Variants in DNER observed in about 807,000 individuals in gnomAD.
The protein encoded by DNER is delta and Notch-like epidermal growth factor-related receptor.
A neutral mutation model predicts 78.2 loss-of-function variants in DNER; 33 were observed. The ratio of observed to expected loss-of-function variants is 0.42; its 90% CI spans 0.32 to 0.56. The LOEUF is 0.56. Ranked by LOEUF, DNER falls within the 20% of genes least tolerant of loss-of-function variation. DNER has a pLI of 0.11. For synonymous variants in DNER, 417 were observed against 384.8 expected (o/e 1.08, Z -0.98); for missense variants, 918 against 975.3 (o/e 0.94, Z 0.78).
At chr2:229,448,356 T>C (rs951999620) in intron 7 of DNER, among the ~76,000 whole-genome samples, 2 of 152,330 alleles carry the variant, frequency 1.3e-5, no homozygotes, top group South Asian at 4.1e-4. Context: ...TGGTTGCCTA[T>C]GGCTGGGCCG....
At chr2:229,407,368 G>A in intron 9 of DNER, 23 bp from the exon 10 acceptor site, 1 of 1,604,206 alleles carries the variant, frequency 6.2e-7, no homozygotes, top group Non-Finnish European at 8.5e-7. Context: ...AAGCAAAACA[G>A]GATGACTCAT....
At position 229,497,818 on chromosome 2, in the gene DNER, A is replaced by T. The variant is rs1441890363; in HGVS notation, c.1147+14965T>A. 4.6e-5 allele frequency among the ~76,000 whole-genome samples: 7 copies of T among 152,134 alleles called. No homozygotes were observed. In the East Asian group the frequency reaches 9.6e-4, roughly 21 times the overall value. ...ATGAGTAAAAGAGTGAGCCAGTAAT[A>T]AAAAAGTCTCCCATCAAAGAAAAAT... is the stretch of plus-strand genomic sequence containing the variant. On this transcript the variant is annotated intron_variant, in intron 6 of 12. Coordinates refer to ENST00000341772, the MANE Select transcript of DNER (RefSeq NM_139072.4).
chr2:229,714,310 G>C lies in DNER; in HGVS notation c.114C>G (p.Pro38=). Residue 38 remains proline, a synonymous_variant, in exon 1 of 13, where the codon CCC becomes CCG. Coordinates refer to ENST00000341772, the MANE Select transcript of DNER (RefSeq NM_139072.4). ...PRGSSLANPV[P]AAPLSAPGPC... The stretch of plus-strand genomic sequence containing the variant: ...GCCCGGGCGCAGACAGGGGCGCGGC[G>C]GGCACCGGGTTGGCCAGGGAGCTGC... The C allele has an allele frequency of 7.7e-7, 1 of 1,298,488 alleles. No individual in the cohort carries two copies. The highest frequency in any genetic ancestry group is 3.2e-5 in the East Asian group (1 of 31,470). 80.4% of individuals were successfully genotyped at this position (1,298,488 alleles called of 1,614,324 possible).
chr2:229,652,495 C>T (rs999609241), intron 1 of DNER, among the ~76,000 whole-genome samples: 6 of 152,158 alleles, frequency 3.9e-5, no homozygotes, highest in Non-Finnish European at 7.4e-5. Flanking sequence ...CAAATGGTCC[C>T]AATCCCATCA....
intron 4 of DNER, among the ~76,000 whole-genome samples, chr2:229,574,188 T>C (rs1413656448): frequency 1.3e-5 from 2 of 152,172 alleles, no homozygotes; most frequent in Non-Finnish European, 1.5e-5. Flanking sequence ...GTGTATCAAA[T>C]GTGCCATTAA....
At chr2:229,411,140 C>A (rs1000458900) in intron 9 of DNER, among the ~76,000 whole-genome samples, 1 of 152,166 alleles carries the variant, frequency 6.6e-6, no homozygotes, top group Non-Finnish European at 1.5e-5. Flanking sequence ...GGACTAGGTG[C>A]ACAAAATAAC....
chr2:229,380,468 T>C (rs1029121674), intron 11 of DNER, among the ~76,000 whole-genome samples: 4 of 152,204 alleles, frequency 2.6e-5, no homozygotes, highest in Non-Finnish European at 5.9e-5. Context: ...GGAGTTCTTA[T>C]GCAACTTTCC....
chr2:229,516,259 T>C (rs952747022), intron 5 of DNER, among the ~76,000 whole-genome samples: 7 of 152,222 alleles, frequency 4.6e-5, no homozygotes, highest in Non-Finnish European at 8.8e-5. Flanking sequence ...AAAAAGTTTG[T>C]TTTGATAGTT....
At chr2:229,449,508 C>A (rs1239060867) in intron 7 of DNER, among the ~76,000 whole-genome samples, 1 of 152,026 alleles carries the variant, frequency 6.6e-6, no homozygotes, top group African/African-American at 2.4e-5. Context: ...ATTGACCAAG[C>A]CACCCTACAG....
chr2:229,684,169 AGTGTGTGTGT>A (rs59016911), intron 1 of DNER, among the ~76,000 whole-genome samples: 13 of 94,640 alleles, frequency 1.4e-4, no homozygotes, highest in African/African-American at 4.0e-4. Context: ...AGAGAGAGAG[AGTGTGTGTGT>A]GTGTGTGTGT....
At chr2:229,617,519 A>T (rs1380628228) in intron 1 of DNER, among the ~76,000 whole-genome samples, 1 of 151,926 alleles carries the variant, frequency 6.6e-6, no homozygotes, top group Non-Finnish European at 1.5e-5. Flanking sequence ...CATTGGTTGT[A>T]TCCTTTTCTA....
At chr2:229,636,506 C>T (rs1698533666) in intron 1 of DNER, among the ~76,000 whole-genome samples, 1 of 152,142 alleles carries the variant, frequency 6.6e-6, no homozygotes, top group South Asian at 2.1e-4. Flanking sequence ...GGACCTGGTG[C>T]AAGTCCTGCG....
chr2:229,690,433 T>C (rs1699550511), intron 1 of DNER, among the ~76,000 whole-genome samples: 1 of 152,232 alleles, frequency 6.6e-6, no homozygotes. Context: ...TCCCGTCTAG[T>C]TAGTAACAAC....
chr2:229,439,833 T>C (rs1248201966), intron 8 of DNER, among the ~76,000 whole-genome samples: 1 of 150,638 alleles, frequency 6.6e-6, no homozygotes, highest in East Asian at 1.9e-4. Flanking sequence ...CAGCTGCCAT[T>C]TGCAACTTTC....
intron 5 of DNER, among the ~76,000 whole-genome samples, chr2:229,538,285 C>T (rs183277582): frequency 6.6e-6 from 1 of 152,352 alleles, no homozygotes; most frequent in East Asian, 1.9e-4. Flanking sequence ...GAGCATCACT[C>T]TCTGACTCAA....
At chr2:229,420,859 G>A (rs1693748615) in intron 8 of DNER, among the ~76,000 whole-genome samples, 2 of 152,080 alleles carry the variant, frequency 1.3e-5, no homozygotes, top group African/African-American at 4.8e-5. Context: ...AAACTACAGA[G>A]GTTCCTCAAA....
rs114612939 is a variant in DNER at position 229,519,654 on chromosome 2, A to G, written c.994-6718T>C. 3.3e-3 allele frequency among the ~76,000 whole-genome samples: 495 copies of G among 152,266 alleles called. 4 individuals carry two copies. The highest frequency in any genetic ancestry group is 0.011 in the African/African-American group (477 of 41,556). ...TCTAATTCCAAATCCTTTGTCATTC[A>G]CAGCGGCATACAGTCCCCTCATTAC... On this transcript the variant is annotated intron_variant, in intron 5 of 12. Coordinates refer to ENST00000341772, the MANE Select transcript of DNER (RefSeq NM_139072.4).
intron 1 of DNER, among the ~76,000 whole-genome samples, chr2:229,622,233 A>C (rs1698262978): frequency 6.6e-6 from 1 of 152,198 alleles, no homozygotes; most frequent in African/African-American, 2.4e-5. Flanking sequence ...AGCCCTGTAC[A>C]CCTGGAAAAT....
In DNER at chr2:229,682,511, A is replaced by G. The variant is rs777711237; in HGVS notation, c.276+31637T>C. 9.0e-4 allele frequency among the ~76,000 whole-genome samples: 137 copies of G among 152,134 alleles called. 2 individuals carry two copies. The highest frequency in any genetic ancestry group is 5.2e-4 in the Admixed American group (8 of 15,260). ...ATCAGCTAAGCAAATGGCATCTTAA[A>G]AGTTAAACTGGTTACTTCATCTCAT... On this transcript the variant is annotated intron_variant, in intron 1 of 12. Transcript: ENST00000341772.
Sources: allele counts gnomAD v4.1 joint callset (sites outside exome capture counted in the v4.1 genomes callset), GRCh38; gene constraint gnomAD v4.1.1; transcripts MANE v1.5; gene names NCBI Gene and HGNC (gene_info 2026-07-23, HGNC 2026-07-21).